Variants in PRKAR2B observed in about 807,000 individuals in gnomAD.
PRKAR2B encodes the protein protein kinase cAMP-dependent type II regulatory subunit beta.
In PRKAR2B, 14 loss-of-function variants were observed where a neutral mutation model predicts 49.9. The observed-to-expected ratio is 0.28, with a 90% CI of 0.19 to 0.44. The LOEUF is 0.44. PRKAR2B is among the 20% of genes least tolerant of loss of function. PRKAR2B has a pLI of 1.00. For missense variants in PRKAR2B, 393 were observed against 537.9 expected (o/e 0.73, Z 2.67); for synonymous variants, 196 against 197.7 (o/e 0.99, Z 0.07).
chr7:107,133,175 G>C (rs995852814), intron 4 of PRKAR2B, among the ~76,000 whole-genome samples: 9 of 152,272 alleles, frequency 5.9e-5, no homozygotes, highest in Admixed American at 4.6e-4. Flanking sequence ...TATTTCCTAA[G>C]TTCTTTTCAC....
chr7:107,151,663 C>G (rs1795990314), intron 7 of PRKAR2B, among the ~76,000 whole-genome samples: 1 of 152,170 alleles, frequency 6.6e-6, no homozygotes, highest in African/African-American at 2.4e-5. Flanking sequence ...ATGCTTAGGA[C>G]ACTCACATCA....
Position 107,128,302 on chromosome 7 carries a change from T to G in PRKAR2B, c.480+7T>G. The G allele has an allele frequency of 6.3e-7, 1 of 1,585,048 alleles. No homozygotes were observed. On this transcript the variant is annotated splice_region_variant and intron_variant, in intron 4 of 10. Transcript: ENST00000265717. ...GTTTAAGAATCTGGATCCGGTAAGA[T>G]AAATCTTAATAATAGAAATGGCTTT...
intron 7 of PRKAR2B, among the ~76,000 whole-genome samples, chr7:107,152,862 A>T (rs558918567): frequency 1.3e-5 from 2 of 152,202 alleles, no homozygotes; most frequent in African/African-American, 2.4e-5. Context: ...GAAGAAAACC[A>T]AGCCAGGAAG....
intron 2 of PRKAR2B, among the ~76,000 whole-genome samples, chr7:107,071,651 A>G (rs965510973): frequency 6.6e-6 from 1 of 152,210 alleles, no homozygotes; most frequent in Non-Finnish European, 1.5e-5. Context: ...TCATGAGGTG[A>G]AATTCTTTCA....
intron 2 of PRKAR2B, among the ~76,000 whole-genome samples, chr7:107,085,618 T>C (rs1018408176): frequency 6.6e-6 from 1 of 152,212 alleles, no homozygotes; most frequent in Non-Finnish European, 1.5e-5. Flanking sequence ...GTTGTGTATT[T>C]CCTTGGGTGT....
At chr7:107,082,875 C>T (rs1193753988) in intron 2 of PRKAR2B, among the ~76,000 whole-genome samples, 3 of 152,144 alleles carry the variant, frequency 2.0e-5, no homozygotes, top group Non-Finnish European at 4.4e-5. Flanking sequence ...GTTGGGATTA[C>T]AGCTGTGAGC....
At chr7:107,050,286 C>G (rs1162244564) in intron 1 of PRKAR2B, among the ~76,000 whole-genome samples, 1 of 133,826 alleles carries the variant, frequency 7.5e-6, no homozygotes, top group East Asian at 2.5e-4. Flanking sequence ...ATTTTTCTAT[C>G]AAAAACCAAA....
In PRKAR2B at chr7:107,159,699, T is replaced by C; in HGVS notation, c.*117T>C. 9.1e-7 allele frequency: 1 copy of C among 1,092,982 alleles called. No homozygotes were observed. The highest frequency in any genetic ancestry group is 1.3e-6 in the Non-Finnish European group (1 of 761,270). The allele number at this position is 1,092,982 out of a possible 1,614,324, so 67.7% of individuals were successfully genotyped here. ...CTGTGATTTCAGGTTTTTTCCTTTT[T>C]TTACATTTACAACGTATCAATAAAC... On this transcript the variant is annotated 3_prime_UTR_variant, in exon 11 of 11. Transcript: ENST00000265717.
At position 107,070,389 on chromosome 7, in the gene PRKAR2B, G is replaced by T. The variant is rs141271607; in HGVS notation, c.343+73G>T. On this transcript the variant is annotated intron_variant, in intron 2 of 10. Coordinates refer to ENST00000265717, the MANE Select transcript of PRKAR2B (RefSeq NM_002736.3). ...AAAAATGATAATATTGGACAAGAAG[G>T]TACAAAGAATAATTGCTGTATAGTA... 543 of 1,331,092 alleles carry T rather than the reference G, an allele frequency of 4.1e-4. 1 individual carries two copies. The highest frequency in any genetic ancestry group is 5.7e-4 in the Non-Finnish European group (534 of 939,180). 82.5% of individuals were successfully genotyped at this position (1,331,092 alleles called of 1,614,324 possible). A position where few individuals can be genotyped will look rare whatever the true frequency, so the allele number is the denominator to read the frequency against.
At chr7:107,073,939 A>G (rs892983179) in intron 2 of PRKAR2B, among the ~76,000 whole-genome samples, 3 of 151,840 alleles carry the variant, frequency 2.0e-5, no homozygotes, top group Non-Finnish European at 2.9e-5. Flanking sequence ...GCGCGTGCCT[A>G]TAGTCCCAGT....
intron 1 of PRKAR2B, among the ~76,000 whole-genome samples, chr7:107,055,325 C>G (rs1265316405): frequency 6.6e-6 from 1 of 152,138 alleles, no homozygotes; most frequent in Non-Finnish European, 1.5e-5. Context: ...TGGGTATATA[C>G]CCAGTAATGG....
At chr7:107,133,870 CT>C (rs924193715) in intron 4 of PRKAR2B, 2 of 152,104 alleles carry the variant, frequency 1.3e-5, no homozygotes, top group African/African-American at 4.8e-5. Flanking sequence ...AGGAAATCTC[CT>C]TTTCACCTTT....
At chr7:107,048,819 T>C (rs1394797834) in intron 1 of PRKAR2B, among the ~76,000 whole-genome samples, 2 of 152,216 alleles carry the variant, frequency 1.3e-5, no homozygotes, top group African/African-American at 2.4e-5. Flanking sequence ...TAAATTCTAA[T>C]TGTTACTTTC....
intron 1 of PRKAR2B, among the ~76,000 whole-genome samples, chr7:107,065,317 T>G (rs1794113768): frequency 1.7e-5 from 1 of 57,252 alleles, no homozygotes; most frequent in African/African-American, 1.3e-4. Context: ...GCTCGGGGTG[T>G]GTGTATGTGT....
intron 2 of PRKAR2B, among the ~76,000 whole-genome samples, chr7:107,093,961 G>A (rs1383634068): frequency 8.6e-5 from 13 of 152,042 alleles, no homozygotes; most frequent in East Asian, 3.9e-4. Context: ...GAATAGTGCC[G>A]CAATAAACAT....
At chr7:107,087,315 C>T (rs185354619) in intron 2 of PRKAR2B, among the ~76,000 whole-genome samples, 5 of 151,794 alleles carry the variant, frequency 3.3e-5, no homozygotes, top group Admixed American at 1.3e-4. Context: ...GCATTAGAAA[C>T]GTGGTGCTGC....
chr7:107,105,464 T>C (rs888849058), intron 2 of PRKAR2B, among the ~76,000 whole-genome samples: 4 of 152,224 alleles, frequency 2.6e-5, no homozygotes, highest in African/African-American at 9.6e-5. Context: ...CTCCTAATTT[T>C]TGGCTGGTTG....
At chr7:107,068,071 C>T (rs1390563472) in intron 1 of PRKAR2B, among the ~76,000 whole-genome samples, 1 of 152,144 alleles carries the variant, frequency 6.6e-6, no homozygotes, top group Non-Finnish European at 1.5e-5. Flanking sequence ...AGGGTGTCCT[C>T]TGAATTACCG....
chr7:107,134,591 A>G (rs1455536558), intron 4 of PRKAR2B, among the ~76,000 whole-genome samples: 1 of 152,206 alleles, frequency 6.6e-6, no homozygotes, highest in Non-Finnish European at 1.5e-5. Flanking sequence ...TAATTTTACA[A>G]CTTACTGAAA....
Sources: allele counts gnomAD v4.1 joint callset (sites outside exome capture counted in the v4.1 genomes callset), GRCh38; gene constraint gnomAD v4.1.1; transcripts MANE v1.5; gene names NCBI Gene and HGNC (gene_info 2026-07-23, HGNC 2026-07-21).